The following ACSL6 variants were observed in gnomAD, a reference collection of about 807,000 sequenced individuals.
ACSL6 encodes the protein long-chain-fatty-acid--CoA ligase 6.
Under a neutral mutation model 98.2 loss-of-function variants are expected in ACSL6, and 47 were observed. The ratio of observed to expected loss-of-function variants is 0.48; its 90% CI spans 0.38 to 0.61. The LOEUF is 0.61. Ranked by LOEUF, ACSL6 falls within the 20% of genes least tolerant of loss-of-function variation. ACSL6 has a pLI of 0.00. For missense variants in ACSL6, 761 were observed against 913.4 expected (o/e 0.83, Z 2.15); for synonymous variants, 362 against 336.9 (o/e 1.07, Z -0.82).
chr5:132,005,190 A>C (rs555693783), intron 1 of ACSL6, among the ~76,000 whole-genome samples: 18 of 152,320 alleles, frequency 1.2e-4, no homozygotes, highest in African/African-American at 4.3e-4. Context: ...CGTGAGTTGA[A>C]GGTGTCCTCA....
chr5:131,979,595 T>C (rs907144551), intron 9 of ACSL6, among the ~76,000 whole-genome samples: 1 of 152,260 alleles, frequency 6.6e-6, no homozygotes, highest in African/African-American at 2.4e-5. Flanking sequence ...TTTATACATG[T>C]CTAATGGCAT....
chr5:131,957,040 G>A (rs557731835), intron 20 of ACSL6, among the ~76,000 whole-genome samples: 2 of 152,232 alleles, frequency 1.3e-5, no homozygotes, highest in Non-Finnish European at 2.9e-5. Flanking sequence ...GTCCATTTAT[G>A]CCAACTCATA....
At chr5:131,958,569 G>A (rs1176503203) in intron 20 of ACSL6, among the ~76,000 whole-genome samples, 1 of 152,128 alleles carries the variant, frequency 6.6e-6, no homozygotes, top group African/African-American at 2.4e-5. Context: ...ATGGATTAAT[G>A]TAAAGATCTA....
intron 5 of ACSL6, 35 bp downstream of exon 5, chr5:131,989,372 G>C (rs765310131): frequency 1.1e-5 from 17 of 1,594,928 alleles, no homozygotes; most frequent in Non-Finnish European, 1.3e-5. Flanking sequence ...CCTACCCCAC[G>C]AATCCCTCTA....
At chr5:131,985,634 C>T (rs1264945973) in intron 8 of ACSL6, among the ~76,000 whole-genome samples, 176 bp from the exon 9 acceptor site, 2 of 152,240 alleles carry the variant, frequency 1.3e-5, no homozygotes, top group African/African-American at 2.4e-5. Flanking sequence ...GGCAGATGAG[C>T]GCTCAGGAAA....
rs1239552078 is a variant in ACSL6, at chr5:131,988,162, C to G, written c.717G>C (p.Glu239Asp). The change falls in exon 7 of 21, where the codon GAG becomes GAC. Residue 239 changes from glutamate to aspartate, a missense_variant. Transcript: ENST00000651883. ...QKAVLLLEHVERKETPGLKLI... is the reference protein window; with the variant it reads ...QKAVLLLEHVDRKETPGLKLI... ...GCTTGAGGCCTGGAGTCTCCTTCCT[C>G]TCCACATGCTCTAGCAGAAGCACAG... The G allele has an allele frequency of 6.2e-7, 1 of 1,614,190 alleles. No homozygotes were observed.
chr5:131,971,601 G>A lies in ACSL6; in HGVS notation c.1383C>T (p.Ala461=). Residue 461 remains alanine (A), a synonymous_variant, in exon 14 of 21, where the codon GCC becomes GCT. Coordinates refer to ENST00000651883, the MANE Select transcript of ACSL6 (RefSeq NM_001009185.3). ...GCVRMIVTGA[A]PASPTVLGFL... ...ATCCCAGAACTGTTGGTGATGCTGG[G>A]GCTGCTCCAGTAACAATCATCCGCA... The A allele has an allele frequency of 2.5e-6, 4 of 1,612,446 alleles. No individual in the cohort carries two copies. The highest frequency in any genetic ancestry group is 3.4e-6 in the Non-Finnish European group (4 of 1,179,164).
Position 131,995,168 on chromosome 5 carries a change from C to A in ACSL6, c.50-917G>T, listed in dbSNP as rs573544307. On this transcript the variant is annotated intron_variant, in intron 1 of 20. Transcript: ENST00000651883. The stretch of plus-strand genomic sequence containing the variant: ...CAGTGGGCCCATCAGGGAGACATGG[C>A]AGATGCCCTGGGGTAGAGAGAGGGA... 1.7e-4 allele frequency among the ~76,000 whole-genome samples: 26 copies of A among 152,266 alleles called. No individual in the cohort carries two copies. The East Asian group carries it at 3.1e-3, about 18-fold the overall frequency.
At chr5:131,990,588 C>T (rs932303073) in intron 3 of ACSL6, among the ~76,000 whole-genome samples, 2 of 152,138 alleles carry the variant, frequency 1.3e-5, no homozygotes, top group Non-Finnish European at 2.9e-5. Flanking sequence ...GTTCAAGGCT[C>T]CCCAAGAGTA....
At chr5:132,004,834 TTGGCCTACAGAA>T (rs1755306579) in intron 1 of ACSL6, among the ~76,000 whole-genome samples, 1 of 151,890 alleles carries the variant, frequency 6.6e-6, no homozygotes, top group South Asian at 2.1e-4. Context: ...CTTAGGGGAG[TTGGCCTACAGAA>T]TATGCATGAG....
Position 131,954,128 on chromosome 5 carries a change from C to T in ACSL6, c.*106G>A. On this transcript the variant is annotated 3_prime_UTR_variant, in exon 21 of 21. Coordinates refer to ENST00000651883, the MANE Select transcript of ACSL6 (RefSeq NM_001009185.3). ...ACAGGAAAAGGCTCAGTCATAAAAT[C>T]AGATGCTTATTCATTTTCAGCTGTG... 8.1e-7 allele frequency: 1 copy of T among 1,228,750 alleles called. No homozygotes were observed. Among genetic ancestry groups the T allele is most frequent in the Non-Finnish European group, 1.1e-6 (1 of 929,288 alleles). The allele number at this position is 1,228,750 out of a possible 1,614,324, so 76.1% of individuals were successfully genotyped here.
At chr5:131,987,990 T>G in intron 7 of ACSL6, 58 bp downstream of exon 7, 1 of 1,590,208 alleles carries the variant, frequency 6.3e-7, no homozygotes, top group Non-Finnish European at 8.6e-7. Flanking sequence ...AACCAGAAGT[T>G]CTGACTTGGT....
chr5:131,968,639 A>G (rs894639265), intron 15 of ACSL6, among the ~76,000 whole-genome samples: 1 of 152,232 alleles, frequency 6.6e-6, no homozygotes, highest in Non-Finnish European at 1.5e-5. Context: ...CCCCATGAAA[A>G]TAAGACTCCA....
chr5:132,002,863 G>A (rs1755167713), intron 1 of ACSL6, among the ~76,000 whole-genome samples: 1 of 152,142 alleles, frequency 6.6e-6, no homozygotes, highest in Non-Finnish European at 1.5e-5. Context: ...TTAGCTATGG[G>A]AGAAAGGAAA....
intron 9 of ACSL6, chr5:131,985,149 C>A (rs974975083): frequency 3.8e-6 from 2 of 522,840 alleles, no homozygotes; most frequent in South Asian, 4.1e-5. Flanking sequence ...GATCCAGCTG[C>A]CCATGACTCT....
At chr5:132,007,380 C>G (rs1005199326) in intron 1 of ACSL6, among the ~76,000 whole-genome samples, 2 of 152,212 alleles carry the variant, frequency 1.3e-5, no homozygotes, top group African/African-American at 4.8e-5. Context: ...GCCTGGAATG[C>G]CTTTTCTTTT....
chr5:131,997,224 C>T (rs1754838749), intron 1 of ACSL6, among the ~76,000 whole-genome samples: 2 of 152,260 alleles, frequency 1.3e-5, no homozygotes, highest in South Asian at 2.1e-4. Context: ...TTCCTACACA[C>T]TGTACTGTTT....
At chr5:132,003,958 G>A (rs1436769844) in intron 1 of ACSL6, 2 of 152,248 alleles carry the variant, frequency 1.3e-5, no homozygotes, top group Non-Finnish European at 2.9e-5. Flanking sequence ...TATTCTCACA[G>A]TGTTGATGGT....
At chr5:132,011,822 G>T, upstream of ACSL6, 2 of 1,487,572 alleles carry the variant, frequency 1.3e-6, no homozygotes, top group Non-Finnish European at 9.0e-7. The surrounding 1 kb of genome is among the most constrained non-coding windows in gnomAD (Gnocchi z 5.4). Context: ...CGCACTGACC[G>T]CGGTGTCGGA....
Sources: allele counts gnomAD v4.1 joint callset (sites outside exome capture counted in the v4.1 genomes callset), GRCh38; gene constraint gnomAD v4.1.1; non-coding constraint Gnocchi (gnomAD v3.1); transcripts MANE v1.5; gene names NCBI Gene and HGNC (gene_info 2026-07-23, HGNC 2026-07-21).